LRRC4C: variants seen among roughly 807,000 people sequenced by gnomAD.
The protein encoded by LRRC4C is leucine-rich repeat-containing protein 4C.
In LRRC4C, 5 loss-of-function variants were observed where a neutral mutation model predicts 33.6. That is an observed-to-expected ratio of 0.15 (90% CI 0.08 to 0.31). The LOEUF is 0.31. Ranked by LOEUF, LRRC4C falls within the 10% of genes least tolerant of loss-of-function variation. The pLI is 1.00. For synonymous variants in LRRC4C, 329 were observed against 302.0 expected (o/e 1.09, Z -0.93); for missense variants, 560 against 796.7 (o/e 0.70, Z 3.58).
chr11:41,113,991 T>A (rs1202086317), intron 1 of LRRC4C, among the ~76,000 whole-genome samples: 1 of 152,066 alleles, frequency 6.6e-6, no homozygotes, highest in Non-Finnish European at 1.5e-5. Flanking sequence ...CCATTTTCTA[T>A]TAAGGCAATC....
At chr11:41,118,974 T>G (rs189141102) in intron 1 of LRRC4C, among the ~76,000 whole-genome samples, 1 of 152,188 alleles carries the variant, frequency 6.6e-6, no homozygotes, top group Admixed American at 6.5e-5. Context: ...TCTTTTTATT[T>G]GTTAAATTTA....
chr11:40,628,475 C>T (rs181205705), intron 3 of LRRC4C, among the ~76,000 whole-genome samples: 57 of 135,202 alleles, frequency 4.2e-4, no homozygotes, highest in Middle Eastern at 4.0e-3. Context: ...GAGACTCCAT[C>T]TCAAAAAAAC....
At chr11:40,771,675 C>T (rs1360958290) in intron 2 of LRRC4C, among the ~76,000 whole-genome samples, 3 of 152,136 alleles carry the variant, frequency 2.0e-5, no homozygotes, top group Non-Finnish European at 4.4e-5. Context: ...AAAATTATCT[C>T]TCTCAAGTTC....
intron 1 of LRRC4C, among the ~76,000 whole-genome samples, chr11:40,975,024 C>T (rs375623203): frequency 6.6e-6 from 1 of 152,180 alleles, no homozygotes; most frequent in African/African-American, 2.4e-5. Flanking sequence ...CCAGGGTCTC[C>T]AGCCTGCAGA....
At chr11:40,455,408 C>A (rs915701206) in intron 3 of LRRC4C, among the ~76,000 whole-genome samples, 1 of 152,158 alleles carries the variant, frequency 6.6e-6, no homozygotes, top group African/African-American at 2.4e-5. Context: ...AGGCAGGAAG[C>A]TAGGCAACAC....
intron 3 of LRRC4C, among the ~76,000 whole-genome samples, chr11:40,430,218 G>T (rs190714690): frequency 5.4e-5 from 8 of 146,844 alleles, no homozygotes; most frequent in Non-Finnish European, 1.2e-4. Context: ...TGTGCAGTAG[G>T]GGGGCACTGA....
At chr11:40,529,166 G>C (rs1404605178) in intron 3 of LRRC4C, among the ~76,000 whole-genome samples, 3 of 152,016 alleles carry the variant, frequency 2.0e-5, no homozygotes, top group Non-Finnish European at 2.9e-5. Flanking sequence ...ATCAAGTTAA[G>C]TTCTTACTAA....
At chr11:41,027,002 T>A (rs758403713) in intron 1 of LRRC4C, among the ~76,000 whole-genome samples, 2 of 151,608 alleles carry the variant, frequency 1.3e-5, no homozygotes, top group Non-Finnish European at 3.0e-5. Flanking sequence ...CTCTTGATAG[T>A]CAGAATTTTT....
At chr11:40,702,965 C>G (rs1945949061) in intron 2 of LRRC4C, among the ~76,000 whole-genome samples, 1 of 151,914 alleles carries the variant, frequency 6.6e-6, no homozygotes, top group Non-Finnish European at 1.5e-5. Flanking sequence ...GAATCAATAT[C>G]AAAAGCTAGG....
chr11:40,731,004 C>T (rs1444804434), intron 2 of LRRC4C, among the ~76,000 whole-genome samples: 1 of 152,086 alleles, frequency 6.6e-6, no homozygotes, highest in Non-Finnish European at 1.5e-5. Context: ...TGAATGAGTT[C>T]TCACGAGATT....
intron 2 of LRRC4C, among the ~76,000 whole-genome samples, chr11:40,850,571 G>T (rs996559970): frequency 6.6e-6 from 1 of 152,144 alleles, no homozygotes; most frequent in African/African-American, 2.4e-5. Flanking sequence ...GACCCCTGCT[G>T]GGAGGTTTTT....
At chr11:40,248,171 T>C (rs1866495592) in intron 4 of LRRC4C, among the ~76,000 whole-genome samples, 1 of 152,178 alleles carries the variant, frequency 6.6e-6, no homozygotes, top group Admixed American at 6.6e-5. Flanking sequence ...CTCATTCTTC[T>C]GGGTCAAGTT....
chr11:40,145,021 A>G (rs1488872383), intron 5 of LRRC4C, among the ~76,000 whole-genome samples: 1 of 152,160 alleles, frequency 6.6e-6, no homozygotes, highest in Non-Finnish European at 1.5e-5. Context: ...TTGCTTGCTT[A>G]TGTGTCTTTC....
At chr11:40,201,877 G>A (rs763760972) in intron 5 of LRRC4C, among the ~76,000 whole-genome samples, 1 of 152,056 alleles carries the variant, frequency 6.6e-6, no homozygotes, top group Non-Finnish European at 1.5e-5. Context: ...ATGCCACCTC[G>A]CATGGCCCTC....
chr11:41,021,099 A>G (rs1280558044), intron 1 of LRRC4C, among the ~76,000 whole-genome samples: 2 of 151,148 alleles, frequency 1.3e-5, no homozygotes, highest in Non-Finnish European at 2.9e-5. Flanking sequence ...TGTTTCTCAC[A>G]GTAAAATGTA....
intron 1 of LRRC4C, among the ~76,000 whole-genome samples, chr11:41,390,249 A>G (rs540164688): frequency 6.6e-6 from 1 of 151,730 alleles, no homozygotes; most frequent in South Asian, 2.1e-4. Context: ...AATAGAACAA[A>G]TAAAAAACAA....
intron 6 of LRRC4C, among the ~76,000 whole-genome samples, chr11:40,140,504 G>C (rs1362378167): frequency 6.6e-6 from 1 of 152,066 alleles, no homozygotes; most frequent in African/African-American, 2.4e-5. Flanking sequence ...TGAATCCCAA[G>C]GTAAGTCATC....
chr11:40,726,420 T>C (rs1947296427), intron 2 of LRRC4C, among the ~76,000 whole-genome samples: 1 of 152,180 alleles, frequency 6.6e-6, no homozygotes, highest in Admixed American at 6.5e-5. Context: ...GCTAGCAAAC[T>C]GAATCCAGGA....
intron 1 of LRRC4C, among the ~76,000 whole-genome samples, chr11:41,189,314 A>C (rs1015715846): frequency 6.6e-6 from 1 of 152,154 alleles, no homozygotes; most frequent in Non-Finnish European, 1.5e-5. Context: ...AAGACAAGTA[A>C]AAAAAGACAA....
Sources: allele counts gnomAD v4.1 joint callset (sites outside exome capture counted in the v4.1 genomes callset), GRCh38; gene constraint gnomAD v4.1.1; transcripts MANE v1.5; gene names NCBI Gene and HGNC (gene_info 2026-07-23, HGNC 2026-07-21).